BRD3OS: variants seen among roughly 807,000 people sequenced by gnomAD.
The protein encoded by BRD3OS is BRD3 opposite strand, also known as uncharacterized protein BRD3OS.
Position 134,030,946 on chromosome 9 carries a change from A to C in BRD3OS, c.*3944A>C. ...GCCCTACAGGTCTCAGCAGTGGGAC[A>C]ATCTAATTGAATCACCGCAGCCTTC... On this transcript the variant is annotated 3_prime_UTR_variant, in exon 3 of 3. Coordinates refer to ENST00000603928, the MANE Select transcript of BRD3OS (RefSeq NM_001355256.2). 4.3e-6 allele frequency: 1 copy of C among 231,664 alleles called. No homozygotes were observed. 14.4% of individuals were successfully genotyped at this position (231,664 alleles called of 1,614,324 possible).
At position 134,026,959 on chromosome 9, in the gene BRD3OS, T is replaced by A. The variant is rs1224701266; in HGVS notation, c.212T>A (p.Val71Asp). ...GTCCGAGACAAAAACAAGCTCGAGG[T>A]CTCTAGGGACACAGGGCAGTCCAAG... ...ILVRDKNKLE[V>D]SRDTGQSKFC... The change falls in exon 3 of 3, where the codon GTC becomes GAC. Residue 71 changes from valine to aspartate, a missense_variant. Transcript: ENST00000603928. This position sits in a 1 kb window ranked among gnomAD's most constrained non-coding sequence, Gnocchi z 4.4. 5.0e-6 allele frequency: 2 copies of A among 398,714 alleles called. No homozygotes were observed. The highest frequency in any genetic ancestry group is 4.4e-6 in the Non-Finnish European group (1 of 226,040). 24.7% of individuals were successfully genotyped at this position (398,714 alleles called of 1,614,324 possible). A position where few individuals can be genotyped will look rare whatever the true frequency, so the allele number is the denominator to read the frequency against.
chr9:134,031,331 G>GC lies in BRD3OS; in HGVS notation c.*4335dup, dbSNP rs923308824. 12 of 207,878 alleles carry GC rather than the reference G, an allele frequency of 5.8e-5. No individual in the cohort carries two copies. The highest frequency in any genetic ancestry group is 1.1e-4 in the Non-Finnish European group (11 of 101,916). 12.9% of individuals were successfully genotyped at this position (207,878 alleles called of 1,614,324 possible). A position where few individuals can be genotyped will look rare whatever the true frequency, so the allele number is the denominator to read the frequency against. ...TGGCTGGAGGGGCATTGCAAGGAGC[G>GC]CCCCCCAGCCCCAGGCACCCCCGGC... On this transcript the variant is annotated 3_prime_UTR_variant, in exon 3 of 3. Transcript: ENST00000603928.
chr9:134,031,227 C>A lies in BRD3OS; in HGVS notation c.*4225C>A, dbSNP rs897645976. Reference sequence around the variant, plus strand: ...AGAGAACCAGCCGAGAAGGAAAGGCCCCACGATGCTCCTGCTGCGCTGCCC... The same window carrying A: ...AGAGAACCAGCCGAGAAGGAAAGGCACCACGATGCTCCTGCTGCGCTGCCC... On this transcript the variant is annotated 3_prime_UTR_variant, in exon 3 of 3. Coordinates refer to ENST00000603928, the MANE Select transcript of BRD3OS (RefSeq NM_001355256.2). The A allele has an allele frequency of 1.4e-5, 3 of 216,706 alleles. No individual in the cohort carries two copies. In the Admixed American group the frequency reaches 1.7e-4, roughly 13 times the overall value. 13.4% of individuals were successfully genotyped at this position (216,706 alleles called of 1,614,324 possible).
In BRD3OS at chr9:134,026,331, TC is replaced by T. The variant is rs1843428764; in HGVS notation, c.-415del. 6.4e-6 allele frequency: 1 copy of T among 155,390 alleles called. No homozygotes were observed. The highest frequency in any genetic ancestry group is 2.4e-5 in the African/African-American group (1 of 41,546). 9.6% of individuals were successfully genotyped at this position (155,390 alleles called of 1,614,324 possible). On this transcript the variant is annotated 5_prime_UTR_variant, in exon 3 of 3. An upstream open reading frame in the 5' UTR loses its in-frame stop. Coordinates refer to ENST00000603928, the MANE Select transcript of BRD3OS (RefSeq NM_001355256.2). The surrounding 1 kb of genome is among the most constrained non-coding windows in gnomAD (Gnocchi z 4.4). ...TGCGTGCGGGGCGTGCCACCGGAGCTCCTTCCAGCTTGCGTCTGGGGCCACC... is the reference window on the plus strand; with the variant it reads ...TGCGTGCGGGGCGTGCCACCGGAGCTCTTCCAGCTTGCGTCTGGGGCCACC...
Position 134,027,412 on chromosome 9 carries a change from C to G in BRD3OS, c.*410C>G, listed in dbSNP as rs1297946216. ...TTTAGCATAAATGGCGGAGTAGCAGCAGCATCTCACCAGGAGCTTTGTCGC... is the reference window on the plus strand; with the variant it reads ...TTTAGCATAAATGGCGGAGTAGCAGGAGCATCTCACCAGGAGCTTTGTCGC... On this transcript the variant is annotated 3_prime_UTR_variant, in exon 3 of 3. Coordinates refer to ENST00000603928, the MANE Select transcript of BRD3OS (RefSeq NM_001355256.2). The G allele has an allele frequency of 6.5e-6, 1 of 154,714 alleles. No homozygotes were observed. Among genetic ancestry groups the G allele is most frequent in the African/African-American group, 2.4e-5 (1 of 41,544 alleles). The allele number at this position is 154,714 out of a possible 1,614,324, so 9.6% of individuals were successfully genotyped here. A position where few individuals can be genotyped will look rare whatever the true frequency, so the allele number is the denominator to read the frequency against.
rs1237640614 is a variant in BRD3OS, at chr9:134,028,625, G to A, written c.*1623G>A. On this transcript the variant is annotated 3_prime_UTR_variant, in exon 3 of 3. Coordinates refer to ENST00000603928, the MANE Select transcript of BRD3OS (RefSeq NM_001355256.2). ...GCTGGTCTCGAACTGCCAATCTCAG[G>A]TGATCTGCCCACCTCGGCCTCCCAA... 5 of 152,272 alleles carry A rather than the reference G, an allele frequency of 3.3e-5. No homozygotes were observed. The highest frequency in any genetic ancestry group is 7.2e-5 in the African/African-American group (3 of 41,454). 9.4% of individuals were successfully genotyped at this position (152,272 alleles called of 1,614,324 possible).
chr9:134,027,551 C>G lies in BRD3OS; in HGVS notation c.*549C>G, dbSNP rs1843445660. ...GCTCTATCTCCTGGGCTCAGGTGATCCTCCCAAACTCAGCCTCCCAGGTAG... is the reference window on the plus strand; with the variant it reads ...GCTCTATCTCCTGGGCTCAGGTGATGCTCCCAAACTCAGCCTCCCAGGTAG... On this transcript the variant is annotated 3_prime_UTR_variant, in exon 3 of 3. Coordinates refer to ENST00000603928, the MANE Select transcript of BRD3OS (RefSeq NM_001355256.2). 1 of 152,106 alleles carries G rather than the reference C, an allele frequency of 6.6e-6. No individual in the cohort carries two copies. The highest frequency in any genetic ancestry group is 2.4e-5 in the African/African-American group (1 of 41,376). The allele number at this position is 152,106 out of a possible 1,614,324, so 9.4% of individuals were successfully genotyped here. A position where few individuals can be genotyped will look rare whatever the true frequency, so the allele number is the denominator to read the frequency against.
rs1021838546 is a variant in BRD3OS at position 134,027,820 on chromosome 9, C to T, written c.*818C>T. 10 of 152,208 alleles carry T rather than the reference C, an allele frequency of 6.6e-5. No homozygotes were observed. Among genetic ancestry groups the T allele is most frequent in the Admixed American group, 2.6e-4 (4 of 15,278 alleles). 9.4% of individuals were successfully genotyped at this position (152,208 alleles called of 1,614,324 possible). On this transcript the variant is annotated 3_prime_UTR_variant, in exon 3 of 3. Coordinates refer to ENST00000603928, the MANE Select transcript of BRD3OS (RefSeq NM_001355256.2). ...GCATCCAAAACACATTCAGGAAACC[C>T]GAGAGTTGTAAGTTGCACATGTGTG... is the stretch of plus-strand genomic sequence containing the variant.
Position 134,026,936 on chromosome 9 carries a change from C to T in BRD3OS, c.189C>T (p.Val63=), listed in dbSNP as rs1373348467. Residue 63 remains valine (V), a synonymous_variant, in exon 3 of 3, where the codon GTC becomes GTT. Coordinates refer to ENST00000603928, the MANE Select transcript of BRD3OS (RefSeq NM_001355256.2). This position sits in a 1 kb window ranked among gnomAD's most constrained non-coding sequence, Gnocchi z 4.4. ...AGTATGGAAATGAGGCCATCTTGGT[C>T]CGAGACAAAAACAAGCTCGAGGTCT... The part of the protein sequence containing the change: ...YSQYGNEAIL[V]RDKNKLEVSR... 4 of 398,766 alleles carry T rather than the reference C, an allele frequency of 1.0e-5. No individual in the cohort carries two copies. Among genetic ancestry groups the T allele is most frequent in the Non-Finnish European group, 8.8e-6 (2 of 226,076 alleles). 24.7% of individuals were successfully genotyped at this position (398,766 alleles called of 1,614,324 possible).
At position 134,028,347 on chromosome 9, in the gene BRD3OS, C is replaced by T. The variant is rs1283983105; in HGVS notation, c.*1345C>T. On this transcript the variant is annotated 3_prime_UTR_variant, in exon 3 of 3. Coordinates refer to ENST00000603928, the MANE Select transcript of BRD3OS (RefSeq NM_001355256.2). ...TCCTGCACCATGCCTCTTGTATCCGCCATTTTCTTTCTTGCTCAACTGTAC... is the reference window on the plus strand; with the variant it reads ...TCCTGCACCATGCCTCTTGTATCCGTCATTTTCTTTCTTGCTCAACTGTAC... 6.6e-6 allele frequency: 1 copy of T among 152,256 alleles called. No homozygotes were observed. 9.4% of individuals were successfully genotyped at this position (152,256 alleles called of 1,614,324 possible). A position where few individuals can be genotyped will look rare whatever the true frequency, so the allele number is the denominator to read the frequency against.
In BRD3OS at chr9:134,026,083, C is replaced by T. The variant is rs1183614453; in HGVS notation, c.-548C>T. On this transcript the variant is annotated 5_prime_UTR_variant, in exon 2 of 3. Transcript: ENST00000603928. This position sits in a 1 kb window ranked among gnomAD's most constrained non-coding sequence, Gnocchi z 4.4. ...TCTCCACCCAGCTCCCAGGCTGCCC[C>T]ACGGGACGTAAGTAGCTCGATCTAG... is the stretch of plus-strand genomic sequence containing the variant. The T allele has an allele frequency of 1.3e-5, 2 of 152,540 alleles. No homozygotes were observed. The highest frequency in any genetic ancestry group is 4.8e-5 in the African/African-American group (2 of 41,266). The allele number at this position is 152,540 out of a possible 1,614,324, so 9.4% of individuals were successfully genotyped here. A position where few individuals can be genotyped will look rare whatever the true frequency, so the allele number is the denominator to read the frequency against.
chr9:134,028,966 C>G lies in BRD3OS; in HGVS notation c.*1964C>G, dbSNP rs551987716. On this transcript the variant is annotated 3_prime_UTR_variant, in exon 3 of 3. Coordinates refer to ENST00000603928, the MANE Select transcript of BRD3OS (RefSeq NM_001355256.2). The stretch of plus-strand genomic sequence containing the variant: ...TTCTGCGAGAGTCCTGGCTTGTTTG[C>G]AGCCTGCAGCTGGGAGATTTGAAGT... The G allele has an allele frequency of 2.0e-5, 3 of 152,268 alleles. No individual in the cohort carries two copies. The highest frequency in any genetic ancestry group is 4.4e-5 in the Non-Finnish European group (3 of 68,070). 9.4% of individuals were successfully genotyped at this position (152,268 alleles called of 1,614,324 possible).
At position 134,031,183 on chromosome 9, in the gene BRD3OS, G is replaced by A. The variant is rs529701790; in HGVS notation, c.*4181G>A. On this transcript the variant is annotated 3_prime_UTR_variant, in exon 3 of 3. Coordinates refer to ENST00000603928, the MANE Select transcript of BRD3OS (RefSeq NM_001355256.2). Reference sequence around the variant, plus strand: ...CTTTCTAGATGAAAGGAGCAGAGGCGAGCCGACGCCACCGTCACAGAGAAC... The same window carrying A: ...CTTTCTAGATGAAAGGAGCAGAGGCAAGCCGACGCCACCGTCACAGAGAAC... 4.8e-4 allele frequency: 108 copies of A among 223,952 alleles called. No individual in the cohort carries two copies. Among genetic ancestry groups the A allele is most frequent in the African/African-American group, 1.7e-3 (76 of 44,818 alleles). The allele number at this position is 223,952 out of a possible 1,614,324, so 13.9% of individuals were successfully genotyped here. A position where few individuals can be genotyped will look rare whatever the true frequency, so the allele number is the denominator to read the frequency against.
chr9:134,030,800 C>A lies in BRD3OS; in HGVS notation c.*3798C>A. ...CCAACACAAAGAGGGGTCTGGAGTTCAGTTCACGCCCGAAGCCTGCCCCCT... is the reference window on the plus strand; with the variant it reads ...CCAACACAAAGAGGGGTCTGGAGTTAAGTTCACGCCCGAAGCCTGCCCCCT... On this transcript the variant is annotated 3_prime_UTR_variant, in exon 3 of 3. Transcript: ENST00000603928. The A allele has an allele frequency of 4.3e-6, 1 of 232,534 alleles. No homozygotes were observed. The highest frequency in any genetic ancestry group is 8.5e-6 in the Non-Finnish European group (1 of 117,564). 14.4% of individuals were successfully genotyped at this position (232,534 alleles called of 1,614,324 possible).
Position 134,031,284 on chromosome 9 carries a change from C to G in BRD3OS, c.*4282C>G, listed in dbSNP as rs767637192. 2.4e-5 allele frequency: 5 copies of G among 209,292 alleles called. No individual in the cohort carries two copies. The highest frequency in any genetic ancestry group is 3.9e-5 in the Non-Finnish European group (4 of 102,942). The allele number at this position is 209,292 out of a possible 1,614,324, so 13.0% of individuals were successfully genotyped here. A position where few individuals can be genotyped will look rare whatever the true frequency, so the allele number is the denominator to read the frequency against. On this transcript the variant is annotated 3_prime_UTR_variant, in exon 3 of 3. Transcript: ENST00000603928. ...CCGGCCGCTCCCCCGACGGCTCACA[C>G]AGGCAGCACCTCACTGCCCTGTGGC... is the stretch of plus-strand genomic sequence containing the variant.
chr9:134,025,973 C>G lies in BRD3OS; in HGVS notation c.-658C>G, dbSNP rs1843424659. Reference sequence around the variant, plus strand: ...TCAAGCGCCGCTGGCTCCTGTTTCACAGATGGAGACCCTGAAGCCCCAACA... The same window carrying G: ...TCAAGCGCCGCTGGCTCCTGTTTCAGAGATGGAGACCCTGAAGCCCCAACA... On this transcript the variant is annotated 5_prime_UTR_variant, in exon 2 of 3. Coordinates refer to ENST00000603928, the MANE Select transcript of BRD3OS (RefSeq NM_001355256.2). 6.6e-6 allele frequency: 1 copy of G among 152,172 alleles called. No individual in the cohort carries two copies. The highest frequency in any genetic ancestry group is 2.4e-5 in the African/African-American group (1 of 41,446). 9.4% of individuals were successfully genotyped at this position (152,172 alleles called of 1,614,324 possible).
rs1278133442 is a variant in BRD3OS at position 134,031,564 on chromosome 9, TAATTAAAAGTTTA to T, written c.*4564_*4576del. 1.9e-5 allele frequency: 4 copies of T among 205,462 alleles called. No individual in the cohort carries two copies. Among genetic ancestry groups the T allele is most frequent in the African/African-American group, 9.1e-5 (4 of 43,746 alleles). The allele number at this position is 205,462 out of a possible 1,614,324, so 12.7% of individuals were successfully genotyped here. On this transcript the variant is annotated 3_prime_UTR_variant, in exon 3 of 3. Transcript: ENST00000603928. ...TTATATTTTTATTATAAACAAAACT[TAATTAAAAGTTTA>T]ACAAACTGGCTGAAAACTCACCAAG... is the stretch of plus-strand genomic sequence containing the variant.
In BRD3OS at chr9:134,026,677, C is replaced by G. The variant is rs934049040; in HGVS notation, c.-71C>G. The G allele has an allele frequency of 7.5e-6, 3 of 397,768 alleles. No homozygotes were observed. The highest frequency in any genetic ancestry group is 6.2e-5 in the African/African-American group (3 of 48,572). 24.6% of individuals were successfully genotyped at this position (397,768 alleles called of 1,614,324 possible). ...AAGCCCCAAAGCTGGGAAAGCTGTC[C>G]GTTAATTTAGTGCGCGTGGGCCGTC... is the stretch of plus-strand genomic sequence containing the variant. On this transcript the variant is annotated 5_prime_UTR_variant, in exon 3 of 3. Coordinates refer to ENST00000603928, the MANE Select transcript of BRD3OS (RefSeq NM_001355256.2). The surrounding 1 kb of genome is among the most constrained non-coding windows in gnomAD (Gnocchi z 4.4).
Position 134,025,910 on chromosome 9 carries a change from GC to G in BRD3OS, c.-720del, listed in dbSNP as rs1188019995. 6.6e-6 allele frequency: 1 copy of G among 152,258 alleles called. No individual in the cohort carries two copies. Among genetic ancestry groups the G allele is most frequent in the Admixed American group, 6.5e-5 (1 of 15,292 alleles). The allele number at this position is 152,258 out of a possible 1,614,324, so 9.4% of individuals were successfully genotyped here. On this transcript the variant is annotated 5_prime_UTR_variant, in exon 2 of 3. The change creates a premature stop within an existing upstream ORF in the 5' untranslated region. Transcript: ENST00000603928. ...CCTGGGGGCCCCTTCCGGTCCCGGG[GC>G]TGACGCCTGGCGGCGTCTCCGGGAA...
Sources: gnomAD v4.1 joint callset for allele counts on GRCh38, gnomAD v4.1.1 for gene constraint, Gnocchi (gnomAD v3.1) non-coding constraint, MANE v1.5 for transcripts, NCBI Gene and HGNC (gene_info 2026-07-23, HGNC 2026-07-21) for gene names.